BCL11B: variants seen among roughly 807,000 people sequenced by gnomAD.
BCL11B encodes the protein B-cell lymphoma/leukemia 11B.
Under a neutral mutation model 49.9 loss-of-function variants are expected in BCL11B, and 8 were observed. The ratio of observed to expected loss-of-function variants is 0.16; its 90% confidence interval spans 0.09 to 0.29. The LOEUF is 0.29. BCL11B is among the 10% of genes least tolerant of loss of function. The pLI is 1.00. For missense variants in BCL11B, 1,006 were observed against 1,351.0 expected, an observed-to-expected ratio of 0.74 and a Z score of 4.00; for synonymous variants, 739 against 637.4, an observed-to-expected ratio of 1.16 and a Z score of -2.40.
chr14:99,219,356 T>G (rs1395745548), intron 3 of BCL11B, among the ~76,000 whole-genome samples: 1 of 152,196 alleles, frequency 6.6e-6, no homozygotes, highest in Non-Finnish European at 1.5e-5. Flanking sequence ...TCTTATTGTC[T>G]TAGGCTACCC....
chr14:99,262,553 C>A lies in BCL11B; in HGVS notation c.59-4714G>T, dbSNP rs531270013. 2.2e-4 allele frequency among the ~76,000 whole-genome samples: 34 copies of A among 152,254 alleles called. No homozygotes were observed. Among genetic ancestry groups the A allele is most frequent in the African/African-American group, 8.2e-4 (34 of 41,542 alleles). On this transcript the variant is annotated intron_variant, in intron 1 of 3. Transcript: ENST00000357195. This position sits in a 1 kb window ranked among gnomAD's most constrained non-coding sequence, Gnocchi z 4.2. ...AATCGTGTGCCACCAACGTCACAAC[C>A]GCCATCATGATGTGTACGCATGTTT...
chr14:99,227,296 T>C (rs1461276820), intron 3 of BCL11B, among the ~76,000 whole-genome samples: 1 of 152,122 alleles, frequency 6.6e-6, no homozygotes, highest in Non-Finnish European at 1.5e-5. Context: ...CAGCACATGG[T>C]GTTGTTCTCA....
chr14:99,220,276 AACAG>A (rs1887970641), intron 3 of BCL11B, among the ~76,000 whole-genome samples: 1 of 152,218 alleles, frequency 6.6e-6, no homozygotes, highest in Admixed American at 6.5e-5. Context: ...CAAGGATTCA[AACAG>A]ATTATTGTCC....
rs759401565 is a variant in BCL11B, at chr14:99,217,391, C to CACACACATACAG, written c.640+13953_640+13954insCTGTATGTGTGT. The stretch of plus-strand genomic sequence containing the variant: ...AAATATACACACACATACAGACACA[C>CACACACATACAG]ACACACACACACACACACACACACA... On this transcript the variant is annotated intron_variant, in intron 3 of 3. Transcript: ENST00000357195. Among the ~76,000 whole-genome samples, 763 of 129,708 alleles carry CACACACATACAG rather than the reference C, an allele frequency of 5.9e-3. 3 individuals carry two copies. The highest frequency in any genetic ancestry group is 0.012 in the African/African-American group (467 of 38,898). The allele number at this position is 129,708 out of a possible 152,430, so 85.1% of individuals were successfully genotyped here. A position where few individuals can be genotyped will look rare whatever the true frequency, so the allele number is the denominator to read the frequency against.
rs1566821836 is a variant in BCL11B at position 99,231,626 on chromosome 14, C to T, written c.428-69G>A. 2.5e-5 allele frequency: 21 copies of T among 837,688 alleles called. No individual in the cohort carries two copies. The highest frequency in any genetic ancestry group is 7.2e-5 in the South Asian group (5 of 69,902). 51.9% of individuals were successfully genotyped at this position (837,688 alleles called of 1,614,324 possible). A position where few individuals can be genotyped will look rare whatever the true frequency, so the allele number is the denominator to read the frequency against. The stretch of plus-strand genomic sequence containing the variant: ...ACTGTGTGAGGGGCACGGGGTGGGA[C>T]GGGGCTCGGGGCGTGGGGCTCTGCT... On this transcript the variant is annotated intron_variant, in intron 2 of 3. Transcript: ENST00000357195. This position sits in a 1 kb window ranked among gnomAD's most constrained non-coding sequence, Gnocchi z 8.1.
rs1887127248 is a variant in BCL11B at position 99,194,586 on chromosome 14, T to C, written c.641-18391A>G. Among the ~76,000 whole-genome samples the C allele has an allele frequency of 2.0e-5, 3 of 152,220 alleles. No individual in the cohort carries two copies. Among genetic ancestry groups the C allele is most frequent in the African/African-American group, 7.2e-5 (3 of 41,462 alleles). On this transcript the variant is annotated intron_variant, in intron 3 of 3. Coordinates refer to ENST00000357195, the MANE Select transcript of BCL11B (RefSeq NM_138576.4). The surrounding 1 kb of genome is among the most constrained non-coding windows in gnomAD (Gnocchi z 4.6). The stretch of plus-strand genomic sequence containing the variant: ...GGCAACCCTGGGGAAGGTGCTTAAC[T>C]TCTCTGAATCTGTCCTTCGGTGTGA...
intron 3 of BCL11B, among the ~76,000 whole-genome samples, chr14:99,204,173 C>T (rs1887467383): frequency 6.6e-6 from 1 of 152,214 alleles, no homozygotes; most frequent in African/African-American, 2.4e-5. Flanking sequence ...AAGGGGTTCA[C>T]TAATGAGCCA....
chr14:99,201,454 G>A (rs796511207), intron 3 of BCL11B, among the ~76,000 whole-genome samples: 4 of 152,290 alleles, frequency 2.6e-5, no homozygotes, highest in African/African-American at 9.6e-5. Flanking sequence ...CCTGCTTAGA[G>A]ATGAGAAACT....
At position 99,193,645 on chromosome 14, in the gene BCL11B, G is replaced by A. The variant is rs140267013; in HGVS notation, c.641-17450C>T. On this transcript the variant is annotated intron_variant, in intron 3 of 3. Transcript: ENST00000357195. ...TAAAAAAATGAAATAAATGATTAAA[G>A]CCAAATCTAAGATAATAAGAATACA... Among the ~76,000 whole-genome samples the A allele has an allele frequency of 3.6e-3, 545 of 152,156 alleles. 10 individuals carry two copies. Among genetic ancestry groups the A allele is most frequent in the Admixed American group, 0.026 (404 of 15,288 alleles).
At chr14:99,188,114 A>C (rs1886910941) in intron 3 of BCL11B, among the ~76,000 whole-genome samples, 1 of 152,246 alleles carries the variant, frequency 6.6e-6, no homozygotes, top group Admixed American at 6.5e-5. Flanking sequence ...GGATTGATAA[A>C]GCACAAGAAA....
At chr14:99,271,117 G>A (rs1889665112) in intron 1 of BCL11B, 44 bp downstream of exon 1, 12 of 1,513,476 alleles carry the variant, frequency 7.9e-6, no homozygotes, top group African/African-American at 1.4e-5. Context: ...CAGACGCCCG[G>A]AGCCCCATCT....
At chr14:99,251,768 T>C (rs7151737) in intron 2 of BCL11B, among the ~76,000 whole-genome samples, 61,471 of 151,914 alleles carry the variant, frequency 0.4, 13,583 homozygotes, top group Non-Finnish European at 0.5. Flanking sequence ...TGGGATGGGC[T>C]TCAAAGACCA....
chr14:99,176,089 G>A lies in BCL11B; in HGVS notation c.747C>T (p.Tyr249=). ...HAQNTHGFRI[Y]LEPGPASSSL... The stretch of plus-strand genomic sequence containing the variant: ...AGCTGCTGGCCGGCCCGGGCTCCAG[G>A]TAGATGCGGAAGCCGTGCGTGTTCT... Residue 249 remains tyrosine, a synonymous_variant, in exon 4 of 4, where the codon TAC becomes TAT. Transcript: ENST00000357195. 6.2e-7 allele frequency: 1 copy of A among 1,608,518 alleles called. No homozygotes were observed. The highest frequency in any genetic ancestry group is 1.1e-5 in the South Asian group (1 of 90,760).
chr14:99,183,291 TA>T (rs1886762371), intron 3 of BCL11B, among the ~76,000 whole-genome samples: 1 of 152,162 alleles, frequency 6.6e-6, no homozygotes, highest in African/African-American at 2.4e-5. Flanking sequence ...AGAACTTGGA[TA>T]AGTTGCTCAA....
rs1001461209 is a variant in BCL11B at position 99,262,757 on chromosome 14, G to A, written c.59-4918C>T. ...GAGGGGCTGGGACTCCAGGCGACAC[G>A]GAAACGCCACCACACGCACACTCGA... On this transcript the variant is annotated intron_variant, in intron 1 of 3. Transcript: ENST00000357195. This position sits in a 1 kb window ranked among gnomAD's most constrained non-coding sequence, Gnocchi z 4.2. Among the ~76,000 whole-genome samples the A allele has an allele frequency of 5.3e-5, 8 of 152,008 alleles. No homozygotes were observed. The highest frequency in any genetic ancestry group is 7.4e-5 in the Non-Finnish European group (5 of 68,010).
At chr14:99,243,952 A>G (rs1248188413) in intron 2 of BCL11B, among the ~76,000 whole-genome samples, 1 of 139,456 alleles carries the variant, frequency 7.2e-6, no homozygotes, top group Non-Finnish European at 1.6e-5. Context: ...AAAAAAAAAA[A>G]GCAAGGAAAG....
chr14:99,183,919 CCACCCCGAAGCCGGCTG>C (rs1435395077), intron 3 of BCL11B, among the ~76,000 whole-genome samples: 6 of 152,086 alleles, frequency 3.9e-5, no homozygotes, highest in Non-Finnish European at 7.4e-5. Flanking sequence ...AGCACTGCCC[CCACCCCGAAGCCGGCTG>C]CATCCCAACC....
At chr14:99,229,113 GGGATGAAT>G (rs748021163) in intron 3 of BCL11B, among the ~76,000 whole-genome samples, 1,699 of 94,758 alleles carry the variant, frequency 0.018, 32 homozygotes, top group African/African-American at 0.07. Context: ...GATGGATACA[GGGATGAAT>G]GGATGGATGG....
intron 2 of BCL11B, among the ~76,000 whole-genome samples, chr14:99,238,435 C>G (rs1460759600): frequency 1.3e-5 from 2 of 152,184 alleles, no homozygotes; most frequent in Non-Finnish European, 2.9e-5. Context: ...TGAAATACTC[C>G]AGGGCTGCTG....
Sources: allele counts gnomAD v4.1 joint callset (sites outside exome capture counted in the v4.1 genomes callset), GRCh38; gene constraint gnomAD v4.1.1; non-coding constraint Gnocchi (gnomAD v3.1); transcripts MANE v1.5; gene names NCBI Gene and HGNC (gene_info 2026-07-23, HGNC 2026-07-21).